Variants in TBC1D30 observed in about 807,000 individuals in gnomAD.
TBC1D30 encodes the protein TBC1 domain family, member 30.
In TBC1D30, 31 loss-of-function variants were observed where a neutral mutation model predicts 63.2. That is an observed-to-expected ratio of 0.49 (90% CI 0.37 to 0.66). The LOEUF is 0.66. Ranked by LOEUF, TBC1D30 falls within the 30% of genes least tolerant of loss-of-function variation. TBC1D30 has a pLI of 0.00. For missense variants in TBC1D30, 810 were observed against 953.6 expected, an observed-to-expected ratio of 0.85 and a Z score of 1.98; for synonymous variants, 307 against 361.5, an observed-to-expected ratio of 0.85 and a Z score of 1.71.
intron 2 of TBC1D30, among the ~76,000 whole-genome samples, chr12:64,816,501 T>C (rs1212261355): frequency 2.0e-5 from 3 of 152,198 alleles, no homozygotes; most frequent in Non-Finnish European, 4.4e-5. Context: ...TTATATTGGA[T>C]TGAGGAATTC....
At chr12:64,870,204 C>T (rs1036611208) in intron 10 of TBC1D30, among the ~76,000 whole-genome samples, 3 of 152,166 alleles carry the variant, frequency 2.0e-5, no homozygotes, top group African/African-American at 7.2e-5. Flanking sequence ...CTCTACAAAC[C>T]AATTCTGTAT....
In TBC1D30 at chr12:64,875,837, A is replaced by G; in HGVS notation, c.*49A>G. The G allele has an allele frequency of 6.8e-7, 1 of 1,465,460 alleles. No individual in the cohort carries two copies. Among genetic ancestry groups the G allele is most frequent in the Non-Finnish European group, 9.0e-7 (1 of 1,111,946 alleles). The allele number at this position is 1,465,460 out of a possible 1,614,324, so 90.8% of individuals were successfully genotyped here. A position where few individuals can be genotyped will look rare whatever the true frequency, so the allele number is the denominator to read the frequency against. On this transcript the variant is annotated 3_prime_UTR_variant, in exon 12 of 12. Coordinates refer to ENST00000539867, the MANE Select transcript of TBC1D30 (RefSeq NM_015279.2). ...GGACTCACCTTTTCACAGTAGTATA[A>G]GGGTTGCAGCTGAATGGCTCTAAAA...
In TBC1D30 at chr12:64,832,189, G is replaced by A. The variant is rs1036035004; in HGVS notation, c.479G>A (p.Arg160Gln). ...EAEQDRVVLKRVLLAYARWNK... is the reference protein window; with the variant it reads ...EAEQDRVVLKQVLLAYARWNK... The stretch of plus-strand genomic sequence containing the variant: ...GAGCAGGACAGGGTTGTGTTGAAGC[G>A]GGTGCTGCTGGCCTATGCCCGATGG... Residue 160 changes from arginine to glutamine, a missense_variant, in exon 5 of 12, where the codon CGG becomes CAG. Arg to Gln is a conservative substitution (Grantham distance 43). Around this residue, in one of 4 missense-constraint regions of TBC1D30, gnomAD observed 272 missense variants for 335.9 expected, o/e 0.81. Transcript: ENST00000539867. The A allele has an allele frequency of 5.2e-6, 8 of 1,535,990 alleles. No homozygotes were observed. Among genetic ancestry groups the A allele is most frequent in the African/African-American group, 1.4e-5 (1 of 73,052 alleles).
intron 2 of TBC1D30, among the ~76,000 whole-genome samples, chr12:64,809,513 G>A (rs2136327782): frequency 6.6e-6 from 1 of 152,220 alleles, no homozygotes; most frequent in East Asian, 1.9e-4. Flanking sequence ...ATTTAGGTTG[G>A]TTCCATATTT....
At chr12:64,860,318 A>T (rs1877681232) in intron 8 of TBC1D30, among the ~76,000 whole-genome samples, 1 of 151,680 alleles carries the variant, frequency 6.6e-6, no homozygotes, top group South Asian at 2.1e-4. Context: ...ATGCTTGGCT[A>T]ATTTTTTTTA....
At chr12:64,822,607 T>C (rs1425647992), upstream of TBC1D30, among the ~76,000 whole-genome samples, 1 of 150,682 alleles carries the variant, frequency 6.6e-6, no homozygotes. Context: ...CAGGTGATCC[T>C]CCCACCTCAG....
rs367777226 is a variant in TBC1D30 at position 64,812,943 on chromosome 12, C to T, written c.644-14892C>T. Among the ~76,000 whole-genome samples, 9 of 152,110 alleles carry T rather than the reference C, an allele frequency of 5.9e-5. No homozygotes were observed. In the East Asian group the frequency reaches 1.4e-3, roughly 23 times the overall value. ...GGAGCAATTTGTCAATTTAAACAAA[C>T]GTTCTTTTTATGGGCTTCCTGGAGT... On this transcript the variant is annotated intron_variant, in intron 2 of 12. Transcript: ENST00000542120.
chr12:64,800,931 G>C (rs1356487133), intron 2 of TBC1D30, among the ~76,000 whole-genome samples: 1 of 152,148 alleles, frequency 6.6e-6, no homozygotes, highest in Non-Finnish European at 1.5e-5. Flanking sequence ...ATTACACTTG[G>C]TTTCTCAGCA....
intron 9 of TBC1D30, among the ~76,000 whole-genome samples, chr12:64,866,530 C>T (rs991533450): frequency 4.6e-5 from 7 of 151,988 alleles, no homozygotes; most frequent in Non-Finnish European, 8.8e-5. Context: ...CTCCGCCTCC[C>T]GGGTTCAAGC....
chr12:64,873,973 C>T (rs2136485472), intron 11 of TBC1D30, among the ~76,000 whole-genome samples: 1 of 152,304 alleles, frequency 6.6e-6, no homozygotes, highest in East Asian at 1.9e-4. Context: ...TTTCTGTCTG[C>T]AGCTGCCATC....
chr12:64,873,968 G>A (rs1878851530), intron 11 of TBC1D30, among the ~76,000 whole-genome samples: 1 of 152,180 alleles, frequency 6.6e-6, no homozygotes, highest in Admixed American at 6.5e-5. Flanking sequence ...TACAATTTCT[G>A]TCTGCAGCTG....
intron 7 of TBC1D30, among the ~76,000 whole-genome samples, chr12:64,842,081 G>A (rs1875927961): frequency 6.6e-6 from 1 of 152,102 alleles, no homozygotes; most frequent in African/African-American, 2.4e-5. Flanking sequence ...ACCTAGGCTG[G>A]GTGCCATGGC....
At chr12:64,810,806 A>G (rs1340851206) in intron 2 of TBC1D30, among the ~76,000 whole-genome samples, 2 of 152,210 alleles carry the variant, frequency 1.3e-5, no homozygotes, top group African/African-American at 2.4e-5. Flanking sequence ...ATTCCTCCTG[A>G]TAATCTTTTC....
chr12:64,841,143 A>G (rs1875832169), intron 7 of TBC1D30, among the ~76,000 whole-genome samples: 1 of 152,094 alleles, frequency 6.6e-6, no homozygotes, highest in Admixed American at 6.5e-5. Context: ...CTTCCCCACA[A>G]ACTTCCTGTT....
intron 9 of TBC1D30, among the ~76,000 whole-genome samples, chr12:64,865,799 A>G (rs1434901880): frequency 1.3e-5 from 2 of 152,162 alleles, no homozygotes; most frequent in Non-Finnish European, 2.9e-5. Flanking sequence ...GTAATAGTAT[A>G]TTATTGGAAA....
chr12:64,823,542 G>A (rs1240869332), upstream of TBC1D30, among the ~76,000 whole-genome samples: 1 of 152,160 alleles, frequency 6.6e-6, no homozygotes, highest in African/African-American at 2.4e-5. Flanking sequence ...GCTCACTGCA[G>A]CTTTGAACTC....
chr12:64,859,919 G>A (rs570836309), intron 8 of TBC1D30, among the ~76,000 whole-genome samples: 27 of 151,778 alleles, frequency 1.8e-4, no homozygotes, highest in Admixed American at 9.2e-4. Context: ...TCTGGATGCC[G>A]CTCAATCTCC....
At chr12:64,777,327 T>C (rs116906894), upstream of TBC1D30, among the ~76,000 whole-genome samples, 3,504 of 152,298 alleles carry the variant, frequency 0.023, 69 homozygotes, top group Non-Finnish European at 0.031. Context: ...AATCCATGTT[T>C]GCAGATGATA....
chr12:64,785,147 C>CTT (rs3033154), intron 1 of TBC1D30, among the ~76,000 whole-genome samples: 83 of 134,872 alleles, frequency 6.2e-4, no homozygotes, highest in Non-Finnish European at 9.0e-4. Context: ...ACTTTAAAGA[C>CTT]TTTTTTTTTT....
Sources: gnomAD v4.1 joint callset for allele counts (sites outside exome capture counted in the v4.1 genomes callset) on GRCh38, gnomAD v4.1.1 for gene constraint, gnomAD v4.1.1 regional missense constraint, MANE v1.5 for transcripts, NCBI Gene and HGNC (gene_info 2026-07-23, HGNC 2026-07-21) for gene names.